The following SLIT3 variants were observed in gnomAD, a reference collection of about 807,000 sequenced individuals.
The protein encoded by SLIT3 is slit guidance ligand 3, also known as slit homolog 3 protein.
SLIT3 carries 68 observed loss-of-function variants against 184.0 expected under a neutral mutation model. The ratio of observed to expected loss-of-function variants is 0.37; its 90% confidence interval spans 0.30 to 0.45. The LOEUF is 0.45. SLIT3 is among the 20% of genes least tolerant of loss of function. SLIT3 has a pLI of 1.00. For synonymous variants in SLIT3, 831 were observed against 828.6 expected (o/e 1.00, Z -0.05); for missense variants, 1,707 against 2,026.0 (o/e 0.84, Z 3.02).
At chr5:168,903,641 C>T (rs1760943815) in intron 4 of SLIT3, among the ~76,000 whole-genome samples, 1 of 152,104 alleles carries the variant, frequency 6.6e-6, no homozygotes, top group South Asian at 2.1e-4. Context: ...TTCTGCTGTG[C>T]ATGCATGGCT....
chr5:168,974,573 G>A (rs1000880856), intron 4 of SLIT3, among the ~76,000 whole-genome samples: 1 of 152,108 alleles, frequency 6.6e-6, no homozygotes, highest in South Asian at 2.1e-4. Context: ...ATAGACTACT[G>A]TATTCCTTCC....
chr5:169,136,437 T>C (rs1393034301), intron 4 of SLIT3, among the ~76,000 whole-genome samples: 1 of 152,212 alleles, frequency 6.6e-6, no homozygotes, highest in Non-Finnish European at 1.5e-5. Flanking sequence ...GCAGCTCCTC[T>C]ATTCTGGACA....
chr5:169,157,228 A>G (rs1171553894), intron 4 of SLIT3, among the ~76,000 whole-genome samples: 2 of 151,524 alleles, frequency 1.3e-5, no homozygotes, highest in Non-Finnish European at 2.9e-5. Flanking sequence ...CCCACTTGGC[A>G]ACAGATAAAA....
intron 3 of SLIT3, among the ~76,000 whole-genome samples, chr5:169,230,612 G>T (rs145091071): frequency 9.2e-5 from 14 of 152,040 alleles, no homozygotes; most frequent in Admixed American, 9.2e-4. Flanking sequence ...AACTTTAAAC[G>T]TTGCACTCCG....
intron 4 of SLIT3, among the ~76,000 whole-genome samples, chr5:169,044,402 G>A (rs1318281122): frequency 6.6e-6 from 1 of 152,126 alleles, no homozygotes; most frequent in Non-Finnish European, 1.5e-5. Flanking sequence ...ATATTATTCA[G>A]CCATAAAAAG....
chr5:169,264,151 C>T (rs1382754962), intron 1 of SLIT3, among the ~76,000 whole-genome samples: 1 of 151,964 alleles, frequency 6.6e-6, no homozygotes, highest in Non-Finnish European at 1.5e-5. Context: ...CCATTCAAGA[C>T]TCTGGAATTT....
chr5:168,729,620 A>T (rs115333924), intron 20 of SLIT3, among the ~76,000 whole-genome samples: 1 of 152,126 alleles, frequency 6.6e-6, no homozygotes, highest in Non-Finnish European at 1.5e-5. Flanking sequence ...CACTAGAGCA[A>T]CCCTATAGGA....
At chr5:169,047,749 T>C (rs572739531) in intron 4 of SLIT3, among the ~76,000 whole-genome samples, 1 of 152,242 alleles carries the variant, frequency 6.6e-6, no homozygotes, top group East Asian at 1.9e-4. Context: ...TTGGCTGGGA[T>C]ACTTGTTCCC....
chr5:168,770,307 A>C (rs1755505024), intron 14 of SLIT3, among the ~76,000 whole-genome samples: 4 of 152,228 alleles, frequency 2.6e-5, no homozygotes, highest in Non-Finnish European at 1.5e-5. Context: ...GTTACGGAGC[A>C]GCCCTCAAAT....
intron 4 of SLIT3, among the ~76,000 whole-genome samples, chr5:169,116,914 G>A (rs1760688034): frequency 1.3e-5 from 2 of 152,156 alleles, no homozygotes; most frequent in Admixed American, 1.3e-4. Context: ...GTTTCCCTAG[G>A]CCAGCCTCAA....
intron 5 of SLIT3, among the ~76,000 whole-genome samples, chr5:168,867,854 A>G (rs1036329083): frequency 6.6e-6 from 1 of 152,178 alleles, no homozygotes; most frequent in Non-Finnish European, 1.5e-5. Flanking sequence ...CAGCTGCAGG[A>G]AAAACCAGAA....
At chr5:168,973,815 C>T (rs1754663621) in intron 4 of SLIT3, among the ~76,000 whole-genome samples, 1 of 152,172 alleles carries the variant, frequency 6.6e-6, no homozygotes, top group African/African-American at 2.4e-5. Context: ...AAGAATTGTT[C>T]TTAATTGACA....
intron 6 of SLIT3, among the ~76,000 whole-genome samples, chr5:168,838,583 C>A (rs781168659): frequency 6.6e-6 from 1 of 152,174 alleles, no homozygotes; most frequent in Non-Finnish European, 1.5e-5. Context: ...CAACACACTG[C>A]GACTTGCATT....
At chr5:168,675,137 T>C (rs974669370) in intron 32 of SLIT3, among the ~76,000 whole-genome samples, 5 of 152,110 alleles carry the variant, frequency 3.3e-5, no homozygotes, top group Non-Finnish European at 7.4e-5. Context: ...AGTTGGGGAA[T>C]GTGACACCTC....
At chr5:168,675,767 G>A (rs1377711107) in intron 32 of SLIT3, among the ~76,000 whole-genome samples, 1 of 152,170 alleles carries the variant, frequency 6.6e-6, no homozygotes, top group Non-Finnish European at 1.5e-5. Context: ...AGTTATTTTA[G>A]TGTTAGAAGA....
At chr5:168,775,879 G>A (rs986220361) in intron 12 of SLIT3, among the ~76,000 whole-genome samples, 30 of 152,078 alleles carry the variant, frequency 2.0e-4, no homozygotes, top group African/African-American at 7.0e-4. Flanking sequence ...GTGACAGGCA[G>A]TTTTCCAGAG....
chr5:168,897,395 A>T (rs1230587505), intron 4 of SLIT3, among the ~76,000 whole-genome samples: 1 of 152,090 alleles, frequency 6.6e-6, no homozygotes, highest in African/African-American at 2.4e-5. Context: ...TGATCCCTTT[A>T]AAGATAGACA....
intron 4 of SLIT3, among the ~76,000 whole-genome samples, chr5:168,914,422 A>G (rs1299502692): frequency 6.6e-6 from 1 of 152,216 alleles, no homozygotes; most frequent in Non-Finnish European, 1.5e-5. Context: ...CCACATTGGC[A>G]ATAGCAATAA....
intron 3 of SLIT3, among the ~76,000 whole-genome samples, chr5:169,228,316 G>C (rs112093868): frequency 4.8e-4 from 73 of 152,242 alleles, no homozygotes; most frequent in African/African-American, 1.7e-3. Context: ...GGCCTCCCCA[G>C]GGGAGGAGCT....
Sources: gnomAD v4.1 joint callset for allele counts (sites outside exome capture counted in the v4.1 genomes callset) on GRCh38, gnomAD v4.1.1 for gene constraint, MANE v1.5 for transcripts, NCBI Gene and HGNC (gene_info 2026-07-23, HGNC 2026-07-21) for gene names.